HLTF: variants seen among roughly 807,000 people sequenced by gnomAD.
HLTF encodes the protein helicase like transcription factor.
Under a neutral mutation model 129.4 loss-of-function variants are expected in HLTF, and 127 were observed. The observed-to-expected ratio is 0.98, with a 90% CI of 0.85 to 1.14. The LOEUF is 1.14. Ranked by LOEUF, HLTF falls within the 50% of genes most tolerant of loss-of-function variation. The pLI is 0.00. For missense variants in HLTF, 1,139 were observed against 1,187.1 expected (o/e 0.96, Z 0.60); for synonymous variants, 332 against 388.8 (o/e 0.85, Z 1.72).
intron 2 of HLTF, among the ~76,000 whole-genome samples, chr3:149,080,488 T>G (rs1164567056): frequency 6.6e-6 from 1 of 152,152 alleles, no homozygotes; most frequent in Non-Finnish European, 1.5e-5. Flanking sequence ...CTTTTAGAGA[T>G]ATTATCTATG....
chr3:149,056,017 T>C (rs1269432681), intron 13 of HLTF, among the ~76,000 whole-genome samples: 1 of 152,240 alleles, frequency 6.6e-6, no homozygotes, highest in African/African-American at 2.4e-5. Flanking sequence ...ATCTGAAGAC[T>C]ACAGTTAGCC....
intron 17 of HLTF, among the ~76,000 whole-genome samples, chr3:149,047,360 G>A (rs938981381): frequency 6.6e-6 from 1 of 152,194 alleles, no homozygotes; most frequent in Admixed American, 6.5e-5. Context: ...AGCTATGTAA[G>A]GCCAGGTGTG....
intron 9 of HLTF, among the ~76,000 whole-genome samples, chr3:149,063,933 T>C (rs780464976): frequency 1.4e-4 from 22 of 152,162 alleles, no homozygotes; most frequent in Non-Finnish European, 1.6e-4. Flanking sequence ...CCCCTACCCA[T>C]TTATCAGAAT....
intron 8 of HLTF, among the ~76,000 whole-genome samples, chr3:149,065,812 A>T: frequency 6.6e-6 from 1 of 152,182 alleles, no homozygotes; most frequent in Admixed American, 6.5e-5. Flanking sequence ...CTGTCTCAAA[A>T]AATAAAATTA....
chr3:149,032,737 C>T (rs1051664007), intron 24 of HLTF, among the ~76,000 whole-genome samples: 1 of 152,044 alleles, frequency 6.6e-6, no homozygotes, highest in African/African-American at 2.4e-5. Context: ...CCGAGGCGGG[C>T]AGATCATGAG....
intron 2 of HLTF, among the ~76,000 whole-genome samples, chr3:149,078,749 C>A (rs181499385): frequency 5.3e-5 from 8 of 151,348 alleles, no homozygotes; most frequent in Non-Finnish European, 1.0e-4. Flanking sequence ...CCCAGTTACT[C>A]GGGAAGCTGA....
intron 14 of HLTF, among the ~76,000 whole-genome samples, chr3:149,054,985 C>T (rs1258078125): frequency 1.3e-5 from 2 of 152,200 alleles, no homozygotes; most frequent in African/African-American, 4.8e-5. Flanking sequence ...TTCCAACAGT[C>T]AATCTGTAAA....
Position 149,071,571 on chromosome 3 carries a change from T to C in HLTF, c.702+12A>G, listed in dbSNP as rs1332981806. 3.8e-6 allele frequency: 6 copies of C among 1,560,132 alleles called. No individual in the cohort carries two copies. The highest frequency in any genetic ancestry group is 2.2e-5 in the East Asian group (1 of 44,492). ...TCTGAGTAGTCTTAAATAAAAAATA[T>C]TGGTTCAATACCTCAGCTGGTTCCA... On this transcript the variant is annotated intron_variant, in intron 6 of 24. Transcript: ENST00000310053.
chr3:149,049,035 CA>C, intron 15 of HLTF, 34 bp from the exon 16 acceptor site: 1 of 1,444,302 alleles, frequency 6.9e-7, no homozygotes, highest in Non-Finnish European at 9.6e-7. Context: ...TTAAAAAACA[CA>C]GGAAAGTAAA....
At chr3:149,076,616 C>T (rs990763498) in intron 2 of HLTF, among the ~76,000 whole-genome samples, 5 of 152,150 alleles carry the variant, frequency 3.3e-5, no homozygotes, top group Non-Finnish European at 5.9e-5. Flanking sequence ...ATTTATAAGT[C>T]AGGATGGAAC....
At chr3:149,040,508 T>A (rs1248374791) in intron 20 of HLTF, among the ~76,000 whole-genome samples, 1 of 151,354 alleles carries the variant, frequency 6.6e-6, no homozygotes, top group Non-Finnish European at 1.5e-5. Context: ...TACTATTCTT[T>A]AAAAAAAAAT....
At position 149,032,101 on chromosome 3, in the gene HLTF, T is replaced by C. The variant is rs1342082234; in HGVS notation, c.*119A>G. 1.0e-5 allele frequency: 7 copies of C among 678,742 alleles called. No individual in the cohort carries two copies. The highest frequency in any genetic ancestry group is 3.6e-5 in the Admixed American group (1 of 28,046). 42.0% of individuals were successfully genotyped at this position (678,742 alleles called of 1,614,324 possible). On this transcript the variant is annotated 3_prime_UTR_variant, in exon 25 of 25. Coordinates refer to ENST00000310053, the MANE Select transcript of HLTF (RefSeq NM_003071.4). The stretch of plus-strand genomic sequence containing the variant: ...TGTGTCAGTAATACCTCTTCACTAA[T>C]ATAAAATATGCCCCTTTTAGAAGAC...
At chr3:149,053,683 C>CAT (rs1717180645) in intron 14 of HLTF, among the ~76,000 whole-genome samples, 1 of 152,214 alleles carries the variant, frequency 6.6e-6, no homozygotes, top group African/African-American at 2.4e-5. Context: ...ACAGAGTGTG[C>CAT]ATGATCTCAC....
chr3:149,063,192 T>C, intron 10 of HLTF: 2 of 449,386 alleles, frequency 4.5e-6, no homozygotes, highest in East Asian at 5.8e-5. Flanking sequence ...CCTGGGTAAC[T>C]GGGACTACAG....
chr3:149,071,719 A>C (rs1486354331), intron 5 of HLTF, 62 bp from the exon 6 acceptor site: 17 of 1,039,678 alleles, frequency 1.6e-5, no homozygotes, highest in African/African-American at 3.2e-5. Flanking sequence ...ACTTGCATTT[A>C]AGTCAGATTT....
Position 149,050,381 on chromosome 3 carries a change from G to T in HLTF, c.1474-6C>A. ...ATATGTTGTCCAAACTGGTCCTAAA[G>T]AAAAATTAGGAATATTTTTAACAAT... On this transcript the variant is annotated splice_polypyrimidine_tract_variant and splice_region_variant and intron_variant, in intron 14 of 24. Coordinates refer to ENST00000310053, the MANE Select transcript of HLTF (RefSeq NM_003071.4). 6.5e-7 allele frequency: 1 copy of T among 1,538,464 alleles called. No homozygotes were observed. The highest frequency in any genetic ancestry group is 8.8e-7 in the Non-Finnish European group (1 of 1,134,896).
intron 18 of HLTF, among the ~76,000 whole-genome samples, chr3:149,043,980 C>A (rs939773531): frequency 3.9e-5 from 6 of 152,106 alleles, no homozygotes; most frequent in Admixed American, 1.3e-4. Context: ...ATTATGGCAA[C>A]AAACATTTCT....
intron 14 of HLTF, among the ~76,000 whole-genome samples, chr3:149,054,422 G>A (rs1717254119): frequency 6.6e-6 from 1 of 152,154 alleles, no homozygotes; most frequent in Non-Finnish European, 1.5e-5. Flanking sequence ...AGAATCCAAT[G>A]TAGAGACTAA....
At chr3:149,070,377 CA>C (rs1460127723) in intron 7 of HLTF, among the ~76,000 whole-genome samples, 4 of 152,200 alleles carry the variant, frequency 2.6e-5, no homozygotes, top group Admixed American at 2.0e-4. Context: ...AAAAATGTGA[CA>C]ATGCCAGTTG....
Sources: gnomAD v4.1 joint callset for allele counts (sites outside exome capture counted in the v4.1 genomes callset) on GRCh38, gnomAD v4.1.1 for gene constraint, MANE v1.5 for transcripts, NCBI Gene and HGNC (gene_info 2026-07-23, HGNC 2026-07-21) for gene names.